Variants in NPHP4 observed in about 807,000 individuals in gnomAD.
NPHP4 encodes the protein nephrocystin 4, also known as nephrocystin-4.
A neutral mutation model predicts 155.8 loss-of-function variants in NPHP4; 151 were observed. That is an observed-to-expected ratio of 0.97 (90% confidence interval 0.85 to 1.11). NPHP4 has a LOEUF of 1.11. Among genes scored for constraint, NPHP4 ranks in the 50% least tolerant of loss-of-function variants. The pLI is 0.00. For missense variants in NPHP4, 1,956 were observed against 1,925.7 expected (o/e 1.02, Z -0.29); for synonymous variants, 845 against 816.8 (o/e 1.03, Z -0.59).
At position 5,907,201 on chromosome 1, in the gene NPHP4, C is replaced by A; in HGVS notation, c.1525G>T (p.Ala509Ser). The change falls in exon 13 of 30, where the codon GCC (alanine) becomes TCC (serine). Residue 509 changes from alanine to serine, a missense_variant. Ala to Ser is a moderately conservative substitution (Grantham distance 99, BLOSUM62 1). Coordinates refer to ENST00000378156, the MANE Select transcript of NPHP4 (RefSeq NM_015102.5). ...TGCTGAGTCGGGGACCGCGGGGAGG[C>A]CGCCAGCTGGGAAATTGACAACTGG... ...GPGLSISQLA[A>S]SPRSPTQHCL... 1 of 1,582,338 alleles carries A rather than the reference C, an allele frequency of 6.3e-7. No individual in the cohort carries two copies. The highest frequency in any genetic ancestry group is 2.3e-5 in the East Asian group (1 of 43,184).
At chr1:5,991,030 G>A (rs1417059508) in intron 1 of NPHP4, among the ~76,000 whole-genome samples, 1 of 152,152 alleles carries the variant, frequency 6.6e-6, no homozygotes, top group East Asian at 1.9e-4. Context: ...ACAGGCCCCC[G>A]GGAGGGTGCA....
chr1:5,951,350 A>G (rs1339612727), intron 7 of NPHP4, among the ~76,000 whole-genome samples: 1 of 152,250 alleles, frequency 6.6e-6, no homozygotes, highest in Non-Finnish European at 1.5e-5. Flanking sequence ...TACCCACACC[A>G]GTCTCTTGGC....
At position 5,882,176 on chromosome 1, in the gene NPHP4, C is replaced by T. The variant is rs1643350290; in HGVS notation, c.2486-1937G>A. The T allele has an allele frequency of 6.6e-6, 1 of 152,016 alleles. No individual in the cohort carries two copies. The highest frequency in any genetic ancestry group is 2.1e-4 in the South Asian group (1 of 4,876). 9.4% of individuals were successfully genotyped at this position (152,016 alleles called of 1,614,324 possible). ...AAAGGCCAGTGGTGCACTTACCCAG[C>T]CATCTCTCAGTGGCGCGCTTACCCA... is the stretch of plus-strand genomic sequence containing the variant. On this transcript the variant is annotated intron_variant, in intron 18 of 29. Coordinates refer to ENST00000378156, the MANE Select transcript of NPHP4 (RefSeq NM_015102.5). This position sits in a 1 kb window ranked among gnomAD's most constrained non-coding sequence, Gnocchi z 5.1.
chr1:5,923,421 A>T lies in NPHP4; in HGVS notation c.1441+4228T>A, dbSNP rs149247094. 1.5e-4 allele frequency among the ~76,000 whole-genome samples: 23 copies of T among 152,370 alleles called. No homozygotes were observed. The East Asian group carries it at 4.2e-3, about 28-fold the overall frequency. On this transcript the variant is annotated intron_variant, in intron 11 of 29. Coordinates refer to ENST00000378156, the MANE Select transcript of NPHP4 (RefSeq NM_015102.5). ...ACCCTGACCCCAGCTTACTGTGTTC[A>T]GTGAGTTTGCACCAGACAGGATGAG... is the stretch of plus-strand genomic sequence containing the variant.
chr1:5,887,631 C>T (rs570314678), intron 17 of NPHP4, among the ~76,000 whole-genome samples, 165 bp from the exon 18 acceptor site: 2 of 152,294 alleles, frequency 1.3e-5, no homozygotes, highest in Admixed American at 6.5e-5. Flanking sequence ...GAGGGGGCGG[C>T]GAGCCAGGCG....
chr1:5,982,963 AT>A (rs1196287434), intron 2 of NPHP4, among the ~76,000 whole-genome samples: 3 of 152,196 alleles, frequency 2.0e-5, no homozygotes, highest in Non-Finnish European at 4.4e-5. Context: ...ACTGTTCCAT[AT>A]GAACTTGGGA....
At position 5,877,123 on chromosome 1, in the gene NPHP4, TC is replaced by T; in HGVS notation, c.2786del (p.Gly929GlufsTer43). ...CGCTCGTCCCGCGCCGGCCCAAGTCTCCCCCGGCCTCCTGCAGGCGCACAGA... is the reference window on the plus strand; with the variant it reads ...CGCTCGTCCCGCGCCGGCCCAAGTCTCCCCGGCCTCCTGCAGGCGCACAGA... ...MRSVRLQEAG[G>X]DLGRRGTSVL... On this transcript the variant is annotated frameshift_variant, in exon 20 of 30. Coordinates refer to ENST00000378156, the MANE Select transcript of NPHP4 (RefSeq NM_015102.5). LOFTEE classifies it high-confidence loss of function. 8 of 1,584,306 alleles carry T rather than the reference TC, an allele frequency of 5.0e-6. No homozygotes were observed. The highest frequency in any genetic ancestry group is 2.3e-5 in the East Asian group (1 of 43,944).
rs778899985 is a variant in NPHP4 at position 5,905,501 on chromosome 1, C to T, written c.1764-18G>A. ...CTGCAGAGCTGAGACACAGAGACTC[C>T]TCAGGTAGCCTCCCGGGAAAGGGGG... On this transcript the variant is annotated intron_variant, in intron 14 of 29. Transcript: ENST00000378156. The surrounding 1 kb of genome is among the most constrained non-coding windows in gnomAD (Gnocchi z 4.0). The T allele has an allele frequency of 3.3e-5, 53 of 1,598,718 alleles. No homozygotes were observed. The highest frequency in any genetic ancestry group is 4.0e-5 in the Non-Finnish European group (47 of 1,168,884).
chr1:5,968,554 T>C (rs958805451), intron 4 of NPHP4, among the ~76,000 whole-genome samples: 3 of 151,770 alleles, frequency 2.0e-5, no homozygotes, highest in African/African-American at 2.4e-5. Context: ...TGAGCCAATG[T>C]TGCACCACTG....
chr1:5,942,284 C>T (rs113738557), intron 9 of NPHP4, among the ~76,000 whole-genome samples: 124 of 152,230 alleles, frequency 8.1e-4, no homozygotes, highest in African/African-American at 2.9e-3. Context: ...GTAATCCCAG[C>T]ACTTTGGAAG....
At chr1:5,967,881 C>G (rs1470267531) in intron 4 of NPHP4, among the ~76,000 whole-genome samples, 4 of 152,034 alleles carry the variant, frequency 2.6e-5, no homozygotes, top group Non-Finnish European at 4.4e-5. Flanking sequence ...AACAATTATC[C>G]ATTCGCAAGT....
At chr1:5,957,423 T>C (rs1234081028) in intron 6 of NPHP4, among the ~76,000 whole-genome samples, 1 of 152,214 alleles carries the variant, frequency 6.6e-6, no homozygotes, top group East Asian at 1.9e-4. Flanking sequence ...GCTAGGGATA[T>C]TTAATTCAGC....
At chr1:5,887,198 T>G in intron 18 of NPHP4, 88 bp downstream of exon 18, 1 of 1,274,040 alleles carries the variant, frequency 7.8e-7, no homozygotes, top group East Asian at 2.5e-5. Context: ...GTGAAGCCCA[T>G]GATGTGGCCC....
chr1:5,874,682 C>T (rs749296172), intron 21 of NPHP4, 25 bp from the exon 22 acceptor site: 1 of 1,607,236 alleles, frequency 6.2e-7, no homozygotes, highest in East Asian at 2.2e-5. Flanking sequence ...GTCCAGGCGT[C>T]AGGGCAGTTC....
At chr1:5,979,323 G>A (rs1464421623) in intron 2 of NPHP4, among the ~76,000 whole-genome samples, 1 of 151,372 alleles carries the variant, frequency 6.6e-6, no homozygotes, top group East Asian at 2.0e-4. Flanking sequence ...AACGGGGAGA[G>A]AGGTGGGTGG....
chr1:5,879,311 A>G (rs1004056995), intron 19 of NPHP4: 2 of 319,886 alleles, frequency 6.3e-6, no homozygotes, highest in Non-Finnish European at 1.2e-5. Context: ...AATTCAAATG[A>G]CAAGTACTTT....
chr1:5,925,551 T>C (rs1015785811), intron 11 of NPHP4, among the ~76,000 whole-genome samples: 2 of 152,200 alleles, frequency 1.3e-5, no homozygotes, highest in Admixed American at 6.5e-5. Flanking sequence ...TAACTATATG[T>C]CAAAGAGTGT....
chr1:5,863,331 C>T lies in NPHP4; in HGVS notation c.4215G>A (p.Leu1405=). Residue 1405 remains leucine, a synonymous_variant, in exon 30 of 30, where the codon CTG becomes CTA. Transcript: ENST00000378156. The stretch of plus-strand genomic sequence containing the variant: ...TGTCCTCATGGTCATTGATGTAGAT[C>T]AGGATCTCCTCCTCACCCACTCTCT... ...PSQRVGEEEI[L]IYINDHEDKN... 1.9e-6 allele frequency: 3 copies of T among 1,613,992 alleles called. No homozygotes were observed. The highest frequency in any genetic ancestry group is 2.5e-6 in the Non-Finnish European group (3 of 1,179,828).
At chr1:5,917,442 C>T (rs764489301) in intron 11 of NPHP4, among the ~76,000 whole-genome samples, 54 of 152,180 alleles carry the variant, frequency 3.5e-4, no homozygotes, top group Non-Finnish European at 6.8e-4. Context: ...GGGAGAGAGA[C>T]GAACAGATGG....
Sources: gnomAD v4.1 joint callset for allele counts (sites outside exome capture counted in the v4.1 genomes callset) on GRCh38, gnomAD v4.1.1 for gene constraint, Gnocchi (gnomAD v3.1) non-coding constraint, MANE v1.5 for transcripts, NCBI Gene and HGNC (gene_info 2026-07-23, HGNC 2026-07-21) for gene names.